Variants in CENPK observed in about 807,000 individuals in gnomAD.
CENPK encodes centromere protein K, also known as SoxLZ/Sox6-binding protein Solt.
Under a neutral mutation model 40.9 loss-of-function variants are expected in CENPK, and 46 were observed. The observed-to-expected ratio is 1.13, with a 90% CI of 0.89 to 1.44. The LOEUF (loss-of-function observed/expected upper bound fraction) is 1.44, where lower values mean the gene tolerates loss of function less well. Ranked by LOEUF, CENPK falls within the 40% of genes most tolerant of loss-of-function variation. The pLI, the probability that CENPK is intolerant of heterozygous loss-of-function variation, is 0.00. For missense variants in CENPK, 288 were observed against 303.5 expected (o/e 0.95, Z 0.38); for synonymous variants, 107 against 104.4 (o/e 1.02, Z -0.15).
At chr5:65,556,910 T>A (rs1409253222) in intron 2 of CENPK, among the ~76,000 whole-genome samples, 2 of 152,246 alleles carry the variant, frequency 1.3e-5, no homozygotes, top group Non-Finnish European at 2.9e-5. Flanking sequence ...AGCCTAGGTA[T>A]GTAGTAGGTT....
chr5:65,536,969 G>T (rs1438319533), intron 6 of CENPK, among the ~76,000 whole-genome samples: 21 of 152,160 alleles, frequency 1.4e-4, no homozygotes, highest in Admixed American at 1.4e-3. Flanking sequence ...TAGGTTAGTT[G>T]TCATGGGAGT....
the CENPK span, among the ~76,000 whole-genome samples, chr5:65,505,603 T>C: frequency 9.8e-5 from 15 of 152,370 alleles, no homozygotes; most frequent in Admixed American, 1.3e-4. Context: ...ACTCTGCCAC[T>C]GCACTCCAGC....
chr5:65,500,567 AGT>A, the CENPK span, among the ~76,000 whole-genome samples: 1 of 151,990 alleles, frequency 6.6e-6, no homozygotes, highest in Non-Finnish European at 1.5e-5. Context: ...TTCTGGATAT[AGT>A]GTCACAGGTC....
At chr5:65,535,086 G>A (rs1746625133) in intron 6 of CENPK, among the ~76,000 whole-genome samples, 1 of 152,134 alleles carries the variant, frequency 6.6e-6, no homozygotes, top group South Asian at 2.1e-4. Flanking sequence ...ACATGGTGGT[G>A]CACACCCATA....
At chr5:65,498,605 TTTTC>T in the CENPK span, among the ~76,000 whole-genome samples, 1 of 150,578 alleles carries the variant, frequency 6.6e-6, no homozygotes. Context: ...TTTTTCTTTC[TTTTC>T]TTTTTTTCTT....
At chr5:65,528,126 A>C (rs1745058677) in intron 9 of CENPK, among the ~76,000 whole-genome samples, 1 of 152,150 alleles carries the variant, frequency 6.6e-6, no homozygotes, top group South Asian at 2.1e-4. Context: ...CTGTAGTCCC[A>C]GCTACTCTGA....
At chr5:65,540,964 C>T (rs934419301) in intron 6 of CENPK, among the ~76,000 whole-genome samples, 2 of 151,920 alleles carry the variant, frequency 1.3e-5, no homozygotes, top group African/African-American at 2.4e-5. Flanking sequence ...CACACCATCA[C>T]ACACACACCA....
At chr5:65,496,567 C>T in the CENPK span, among the ~76,000 whole-genome samples, 8 of 151,954 alleles carry the variant, frequency 5.3e-5, no homozygotes, top group African/African-American at 9.7e-5. Context: ...AAAATGCATA[C>T]GTAAACACTT....
intron 5 of CENPK, among the ~76,000 whole-genome samples, chr5:65,546,265 C>A (rs1427379408): frequency 6.6e-6 from 1 of 152,140 alleles, no homozygotes; most frequent in African/African-American, 2.4e-5. Context: ...CCTGGCCTCC[C>A]AAAGTGCTGG....
chr5:65,518,622 A>G lies in CENPK; in HGVS notation c.663T>C (p.Asn221=). ...GATCATGTGGAACATCAAATAATCT[A>G]TTTATAAGAATCTAGGAGAAAATAT... The part of the protein sequence containing the change: ...TLHEMLEILI[N]RLFDVPHDPY... Residue 221 remains asparagine, a synonymous_variant, in exon 11 of 11, where the codon AAT becomes AAC. Transcript: ENST00000396679. 6.4e-7 allele frequency: 1 copy of G among 1,573,968 alleles called. No homozygotes were observed.
intron 6 of CENPK, among the ~76,000 whole-genome samples, chr5:65,531,714 G>A (rs1745878540): frequency 6.6e-6 from 1 of 152,090 alleles, no homozygotes; most frequent in African/African-American, 2.4e-5. Context: ...ATGTTGGCCA[G>A]GATGGTCTCG....
intron 6 of CENPK, among the ~76,000 whole-genome samples, chr5:65,532,304 T>C (rs866042231): frequency 6.6e-6 from 1 of 152,208 alleles, no homozygotes; most frequent in Admixed American, 6.5e-5. Flanking sequence ...TAGGCCCAGA[T>C]GGTTTCTTCT....
chr5:65,552,636 T>G, intron 3 of CENPK, 87 bp from the exon 4 acceptor site: 1 of 691,382 alleles, frequency 1.4e-6, no homozygotes, highest in Non-Finnish European at 2.4e-6. Context: ...CAGGCCAATA[T>G]AACACTCTTC....
At chr5:65,539,321 A>C (rs1187691073) in intron 6 of CENPK, among the ~76,000 whole-genome samples, 1 of 152,258 alleles carries the variant, frequency 6.6e-6, no homozygotes, top group Non-Finnish European at 1.5e-5. Flanking sequence ...AATTAAATGA[A>C]TAAAATTCAC....
At chr5:65,542,624 G>A (rs547017231) in intron 6 of CENPK, among the ~76,000 whole-genome samples, 178 bp downstream of exon 6, 10 of 151,058 alleles carry the variant, frequency 6.6e-5, no homozygotes, top group African/African-American at 1.9e-4. Flanking sequence ...GCAACAGAGC[G>A]AGACTCCGTT....
chr5:65,557,791 T>C (rs1751242937), intron 2 of CENPK, among the ~76,000 whole-genome samples: 1 of 152,212 alleles, frequency 6.6e-6, no homozygotes, highest in African/African-American at 2.4e-5. Flanking sequence ...TCACAACAAT[T>C]TTCTTGGAGT....
intron 6 of CENPK, among the ~76,000 whole-genome samples, chr5:65,533,799 T>C (rs1246083441): frequency 1.3e-5 from 2 of 152,094 alleles, no homozygotes; most frequent in African/African-American, 4.8e-5. Flanking sequence ...TCCCATCACT[T>C]TGGGAGGCCA....
At chr5:65,508,478 C>T in the CENPK span, among the ~76,000 whole-genome samples, 2 of 152,196 alleles carry the variant, frequency 1.3e-5, no homozygotes, top group Non-Finnish European at 2.9e-5. Flanking sequence ...AGTTCACATA[C>T]ACGAACATAA....
At chr5:65,536,382 G>C (rs1186256278) in intron 6 of CENPK, among the ~76,000 whole-genome samples, 2 of 152,132 alleles carry the variant, frequency 1.3e-5, no homozygotes, top group Non-Finnish European at 2.9e-5. Context: ...GGGAGGCCAA[G>C]GTGGAAGGAC....
Sources: gnomAD v4.1 joint callset for allele counts (sites outside exome capture counted in the v4.1 genomes callset) on GRCh38, gnomAD v4.1.1 for gene constraint, MANE v1.5 for transcripts, NCBI Gene and HGNC (gene_info 2026-07-23, HGNC 2026-07-21) for gene names.